The following TRAP1 variants were observed in gnomAD, a reference collection of about 807,000 sequenced individuals.
TRAP1 encodes the protein heat shock protein 75 kDa, mitochondrial.
In TRAP1, 102 loss-of-function variants were observed where a neutral mutation model predicts 89.1. That is an observed-to-expected ratio of 1.15 (90% CI 0.98 to 1.35). The LOEUF is 1.35. TRAP1 is among the 40% of genes most tolerant of loss of function. The pLI is 0.00. For missense variants in TRAP1, 1,256 were observed against 945.3 expected (o/e 1.33, Z -4.31); for synonymous variants, 508 against 388.0 (o/e 1.31, Z -3.64).
intron 1 of TRAP1, among the ~76,000 whole-genome samples, chr16:3,699,342 A>T (rs184349343): frequency 3.3e-5 from 5 of 152,314 alleles, no homozygotes; most frequent in Non-Finnish European, 7.3e-5. Flanking sequence ...GCCCATTTAA[A>T]AAAATTTTAT....
intron 15 of TRAP1, chr16:3,662,337 G>A: frequency 1.5e-6 from 1 of 660,086 alleles, no homozygotes; most frequent in Non-Finnish European, 2.5e-6. Flanking sequence ...CTGTGCCCGA[G>A]GGGCTCCACC....
At position 3,674,604 on chromosome 16, in the gene TRAP1, C is replaced by T. The variant is rs1596712940; in HGVS notation, c.889-110G>A. On this transcript the variant is annotated intron_variant, in intron 8 of 17. Transcript: ENST00000246957. ...CCTGGCCCTGGACAGGCTCCTGGGA[C>T]AGACGGGCGGTGGTCTCAGGCGTAG... 2.2e-6 allele frequency: 3 copies of T among 1,375,036 alleles called. No individual in the cohort carries two copies. The East Asian group carries it at 7.4e-5, about 34-fold the overall frequency. The allele number at this position is 1,375,036 out of a possible 1,614,324, so 85.2% of individuals were successfully genotyped here.
At chr16:3,709,733 C>T (rs1437583431) in intron 1 of TRAP1, among the ~76,000 whole-genome samples, 1 of 152,180 alleles carries the variant, frequency 6.6e-6, no homozygotes, top group Non-Finnish European at 1.5e-5. Context: ...ACACCACAAC[C>T]TCCACCTCCC....
At chr16:3,662,412 C>A (rs1267365028) in intron 15 of TRAP1, 2 of 566,124 alleles carry the variant, frequency 3.5e-6, no homozygotes, top group African/African-American at 1.9e-5. Flanking sequence ...TCCATGCCAG[C>A]CCACCCTGCA....
At chr16:3,694,350 CTT>C (rs35104522) in intron 1 of TRAP1, among the ~76,000 whole-genome samples, 2 of 148,858 alleles carry the variant, frequency 1.3e-5, no homozygotes, top group East Asian at 2.0e-4. Context: ...GTATCTTTCT[CTT>C]TTTTTTTTTG....
chr16:3,693,168 C>T (rs1218314603), intron 1 of TRAP1, among the ~76,000 whole-genome samples: 1 of 151,846 alleles, frequency 6.6e-6, no homozygotes, highest in East Asian at 1.9e-4. Flanking sequence ...AGGCTGCTCT[C>T]GAACTATTGA....
intron 7 of TRAP1, 59 bp from the exon 8 acceptor site, chr16:3,675,456 T>C: frequency 1.9e-6 from 3 of 1,548,288 alleles, no homozygotes; most frequent in Non-Finnish European, 2.7e-6. Flanking sequence ...AACGCAAGCT[T>C]TGCAGCAGCT....
chr16:3,689,973 G>A lies in TRAP1; in HGVS notation c.248-836C>T, dbSNP rs530505074. On this transcript the variant is annotated intron_variant, in intron 2 of 17. Coordinates refer to ENST00000246957, the MANE Select transcript of TRAP1 (RefSeq NM_016292.3). ...CTGGTTTCCCAATGTGCATGGTTACGAGAACTGGACTGCCTCTAAGAACCA... is the reference window on the plus strand; with the variant it reads ...CTGGTTTCCCAATGTGCATGGTTACAAGAACTGGACTGCCTCTAAGAACCA... Among the ~76,000 whole-genome samples, 521 of 152,296 alleles carry A rather than the reference G, an allele frequency of 3.4e-3. 5 individuals carry two copies. Among genetic ancestry groups the A allele is most frequent in the Non-Finnish European group, 4.2e-3 (289 of 68,020 alleles).
At chr16:3,664,548 T>C in intron 12 of TRAP1, 89 bp from the exon 13 acceptor site, 1 of 1,372,788 alleles carries the variant, frequency 7.3e-7, no homozygotes, top group Non-Finnish European at 9.8e-7. Flanking sequence ...CCGATGCCCA[T>C]GGCCTCCTGG....
chr16:3,702,681 G>T (rs534209665), intron 1 of TRAP1, among the ~76,000 whole-genome samples: 12 of 151,200 alleles, frequency 7.9e-5, no homozygotes, highest in Non-Finnish European at 1.3e-4. Flanking sequence ...GAGGGTAAAG[G>T]CTGCAGTGAG....
intron 1 of TRAP1, among the ~76,000 whole-genome samples, chr16:3,708,984 T>A (rs1381903915): frequency 6.6e-6 from 1 of 151,582 alleles, no homozygotes; most frequent in Non-Finnish European, 1.5e-5. Flanking sequence ...CCCAGATAAT[T>A]TTTTGTATTT....
chr16:3,664,520 T>A, intron 12 of TRAP1, 61 bp from the exon 13 acceptor site: 1 of 1,524,310 alleles, frequency 6.6e-7, no homozygotes, highest in Non-Finnish European at 8.8e-7. Flanking sequence ...GTTGCCCAAC[T>A]AACTGGGCGC....
intron 1 of TRAP1, among the ~76,000 whole-genome samples, chr16:3,692,780 G>A (rs2051233886): frequency 1.3e-5 from 2 of 150,782 alleles, no homozygotes; most frequent in African/African-American, 4.9e-5. Context: ...TGTAGTTTTA[G>A]TAGAGACAGG....
At chr16:3,665,334 G>A (rs989419435) in intron 12 of TRAP1, 1 of 152,358 alleles carries the variant, frequency 6.6e-6, no homozygotes, top group Non-Finnish European at 1.5e-5. Context: ...AATGTTCTGG[G>A]GTTACAGTGG....
At chr16:3,671,611 G>A (rs968500191) in intron 11 of TRAP1, 111 bp downstream of exon 11, 12 of 1,223,344 alleles carry the variant, frequency 9.8e-6, no homozygotes, top group Admixed American at 6.1e-5. Context: ...GGGCTTCCCC[G>A]ACCACCTCTG....
At chr16:3,716,143 G>A (rs551619382) in intron 1 of TRAP1, among the ~76,000 whole-genome samples, 63 of 152,302 alleles carry the variant, frequency 4.1e-4, no homozygotes, top group African/African-American at 1.2e-3. Flanking sequence ...GTGAGCCACC[G>A]CGCCCGGCCA....
intron 2 of TRAP1, 62 bp from the exon 3 acceptor site, chr16:3,689,199 C>A: frequency 1.5e-6 from 2 of 1,364,856 alleles, no homozygotes; most frequent in Non-Finnish European, 2.1e-6. Flanking sequence ...CAAGAATACG[C>A]TACGTCACAT....
intron 1 of TRAP1, among the ~76,000 whole-genome samples, chr16:3,691,289 T>C (rs2051211179): frequency 6.6e-6 from 1 of 152,162 alleles, no homozygotes; most frequent in Non-Finnish European, 1.5e-5. Flanking sequence ...CGATCACAGC[T>C]CACTGCAGCC....
chr16:3,671,853 C>G, intron 10 of TRAP1, 62 bp from the exon 11 acceptor site: 1 of 1,540,690 alleles, frequency 6.5e-7, no homozygotes, highest in African/African-American at 1.4e-5. Flanking sequence ...CCAACATTCC[C>G]CATTAACCTG....
Sources: allele counts gnomAD v4.1 joint callset (sites outside exome capture counted in the v4.1 genomes callset), GRCh38; gene constraint gnomAD v4.1.1; transcripts MANE v1.5; gene names NCBI Gene and HGNC (gene_info 2026-07-23, HGNC 2026-07-21).